Variants in SNX29 observed in about 807,000 individuals in gnomAD.
SNX29 encodes the protein sorting nexin 29, also known as sorting nexin-29.
Under a neutral mutation model 102.1 loss-of-function variants are expected in SNX29, and 78 were observed. The ratio of observed to expected loss-of-function variants is 0.76; its 90% CI spans 0.64 to 0.92. SNX29 has a LOEUF of 0.92. Ranked by LOEUF, SNX29 falls within the 40% of genes least tolerant of loss-of-function variation. The pLI is 0.00. For synonymous variants in SNX29, 580 were observed against 414.5 expected (o/e 1.40, Z -4.85); for missense variants, 1,280 against 1,061.7 (o/e 1.21, Z -2.86).
chr16:12,333,385 G>C (rs1243712010), intron 15 of SNX29, among the ~76,000 whole-genome samples: 3 of 152,028 alleles, frequency 2.0e-5, no homozygotes, highest in Non-Finnish European at 4.4e-5. Flanking sequence ...GATTACAGAC[G>C]TGAGCCACCG....
chr16:12,553,794 G>A (rs1005904431), intron 20 of SNX29, among the ~76,000 whole-genome samples: 1 of 151,972 alleles, frequency 6.6e-6, no homozygotes, highest in Non-Finnish European at 1.5e-5. Flanking sequence ...CACCATGTTG[G>A]TCAGGCTAGT....
intron 10 of SNX29, among the ~76,000 whole-genome samples, chr16:12,075,688 C>A (rs1243542767): frequency 1.3e-5 from 2 of 152,230 alleles, no homozygotes; most frequent in Non-Finnish European, 2.9e-5. Flanking sequence ...CTACTGCTCT[C>A]CTCAAAGCTG....
chr16:12,164,253 A>C (rs1336532559), intron 13 of SNX29, among the ~76,000 whole-genome samples: 1 of 152,166 alleles, frequency 6.6e-6, no homozygotes, highest in Admixed American at 6.5e-5. Flanking sequence ...GCAGAATGTG[A>C]GAGGGCAATG....
intron 19 of SNX29, among the ~76,000 whole-genome samples, chr16:12,509,496 T>C (rs997131121): frequency 6.6e-6 from 1 of 152,220 alleles, no homozygotes; most frequent in African/African-American, 2.4e-5. Context: ...GGGAGCTCTT[T>C]CAGGGCAGAA....
intron 3 of SNX29, among the ~76,000 whole-genome samples, chr16:12,023,660 T>C (rs2057098779): frequency 6.6e-6 from 1 of 152,066 alleles, no homozygotes. Context: ...GGAATTATCA[T>C]CTACTGCTTC....
At chr16:12,187,656 T>A (rs1385464999) in intron 13 of SNX29, among the ~76,000 whole-genome samples, 1 of 152,070 alleles carries the variant, frequency 6.6e-6, no homozygotes, top group East Asian at 1.9e-4. Flanking sequence ...CATAGTAGTT[T>A]CTCTTGCCTG....
intron 13 of SNX29, among the ~76,000 whole-genome samples, chr16:12,152,191 A>G (rs1413639199): frequency 2.0e-5 from 3 of 152,158 alleles, no homozygotes; most frequent in African/African-American, 7.2e-5. Context: ...GTTGCACTCC[A>G]GCCTGGGCAG....
intron 15 of SNX29, among the ~76,000 whole-genome samples, chr16:12,339,771 C>G (rs2081559299): frequency 6.6e-6 from 1 of 152,224 alleles, no homozygotes; most frequent in African/African-American, 2.4e-5. Context: ...GTAGCTCTAA[C>G]AAGATTCTTG....
At chr16:12,491,406 T>G (rs1383194679) in intron 19 of SNX29, among the ~76,000 whole-genome samples, 1 of 152,232 alleles carries the variant, frequency 6.6e-6, no homozygotes, top group Non-Finnish European at 1.5e-5. Flanking sequence ...GAATTCCCAT[T>G]GTTTCACATT....
intron 16 of SNX29, 89 bp from the exon 17 acceptor site, chr16:12,398,357 C>A: frequency 7.2e-7 from 1 of 1,393,480 alleles, no homozygotes; most frequent in Non-Finnish European, 1.0e-6. Context: ...GTTCAGGGAT[C>A]TCTGAGAGGC....
intron 4 of SNX29, among the ~76,000 whole-genome samples, chr16:12,031,253 G>A (rs1412901071): frequency 3.3e-5 from 5 of 151,712 alleles, no homozygotes; most frequent in Admixed American, 3.3e-4. Flanking sequence ...TGTATTTTTG[G>A]TAGAGATGGG....
At chr16:12,464,137 T>A (rs1273336386) in intron 18 of SNX29, among the ~76,000 whole-genome samples, 1 of 151,866 alleles carries the variant, frequency 6.6e-6, no homozygotes. Flanking sequence ...GTGTCTGGCT[T>A]ATTTGGTGTA....
At chr16:12,244,311 T>A (rs969309663) in intron 14 of SNX29, among the ~76,000 whole-genome samples, 1 of 152,198 alleles carries the variant, frequency 6.6e-6, no homozygotes, top group African/African-American at 2.4e-5. Flanking sequence ...TGTTTTTTCC[T>A]TGATAAAATC....
intron 18 of SNX29, among the ~76,000 whole-genome samples, chr16:12,471,391 C>G (rs1450006102): frequency 1.3e-5 from 2 of 152,324 alleles, no homozygotes; most frequent in African/African-American, 2.4e-5. Context: ...GACTTAGCCT[C>G]TAGCACTATC....
chr16:12,545,653 G>C (rs1421129810), intron 20 of SNX29: 2 of 152,216 alleles, frequency 1.3e-5, no homozygotes, highest in Non-Finnish European at 2.9e-5. Context: ...TCTACACTAT[G>C]GCCCTTCCCA....
At chr16:12,513,926 T>C (rs2151928200) in intron 19 of SNX29, among the ~76,000 whole-genome samples, 1 of 152,140 alleles carries the variant, frequency 6.6e-6, no homozygotes, top group East Asian at 1.9e-4. Flanking sequence ...CTCGTCAGCT[T>C]CCCAATTAGC....
intron 19 of SNX29, among the ~76,000 whole-genome samples, chr16:12,482,335 T>C (rs1048067793): frequency 2.0e-5 from 3 of 152,142 alleles, no homozygotes; most frequent in African/African-American, 4.8e-5. Context: ...AGAGTCCTGC[T>C]GTGTCACCCA....
At chr16:12,117,434 C>T (rs2053779663) in intron 11 of SNX29, among the ~76,000 whole-genome samples, 1 of 151,784 alleles carries the variant, frequency 6.6e-6, no homozygotes, top group Non-Finnish European at 1.5e-5. Context: ...ACCGTGGAAA[C>T]AGGCGTGGTC....
intron 20 of SNX29, among the ~76,000 whole-genome samples, chr16:12,545,178 C>T (rs1255739183): frequency 1.3e-5 from 2 of 152,114 alleles, no homozygotes; most frequent in Non-Finnish European, 2.9e-5. Flanking sequence ...GTCAGAGAAA[C>T]AAATATGGTC....
Sources: gnomAD v4.1 joint callset for allele counts (sites outside exome capture counted in the v4.1 genomes callset) on GRCh38, gnomAD v4.1.1 for gene constraint, MANE v1.5 for transcripts, NCBI Gene and HGNC (gene_info 2026-07-23, HGNC 2026-07-21) for gene names.